Variants in SHANK2 observed in about 807,000 individuals in gnomAD.
The protein encoded by SHANK2 is SH3 and multiple ankyrin repeat domains 2.
A neutral mutation model predicts 133.7 loss-of-function variants in SHANK2; 43 were observed. The observed-to-expected ratio is 0.32, with a 90% CI of 0.25 to 0.41. The LOEUF is 0.41. Among genes scored for constraint, SHANK2 ranks in the 10% least tolerant of loss-of-function variants. SHANK2 has a pLI of 1.00. For synonymous variants in SHANK2, 1,017 were observed against 952.8 expected (o/e 1.07, Z -1.24); for missense variants, 1,994 against 2,235.8 (o/e 0.89, Z 2.18).
intron 14 of SHANK2, among the ~76,000 whole-genome samples, chr11:70,759,817 T>G (rs1946953515): frequency 6.6e-6 from 1 of 152,214 alleles, no homozygotes. Context: ...CTCCACCAGA[T>G]GCTGATAACA....
chr11:70,537,927 T>C (rs2059566452), intron 17 of SHANK2, among the ~76,000 whole-genome samples: 1 of 152,174 alleles, frequency 6.6e-6, no homozygotes, highest in Non-Finnish European at 1.5e-5. Context: ...AGGAACTCTC[T>C]GGCCAGTCAC....
At chr11:71,235,776 C>T (rs782356426) in intron 1 of SHANK2, among the ~76,000 whole-genome samples, 4 of 152,238 alleles carry the variant, frequency 2.6e-5, no homozygotes, top group East Asian at 1.9e-4. Context: ...GAAGAGCCTC[C>T]GATCTTCAGT....
chr11:70,693,260 C>T (rs1258456154), intron 15 of SHANK2, among the ~76,000 whole-genome samples: 2 of 152,198 alleles, frequency 1.3e-5, no homozygotes, highest in African/African-American at 4.8e-5. Context: ...GCCTAACGCC[C>T]TCCAATGCCT....
intron 8 of SHANK2, among the ~76,000 whole-genome samples, chr11:71,078,363 C>T (rs910620681): frequency 6.6e-5 from 10 of 151,858 alleles, no homozygotes; most frequent in Non-Finnish European, 1.5e-4. Flanking sequence ...TTTACAACAG[C>T]AAGCCAACTA....
At chr11:70,876,237 C>CATATAT (rs1555071253) in intron 11 of SHANK2, among the ~76,000 whole-genome samples, 1 of 147,418 alleles carries the variant, frequency 6.8e-6, no homozygotes, top group Non-Finnish European at 1.5e-5. Context: ...CACACACACA[C>CATATAT]ATATAGACAC....
At chr11:70,548,753 C>T (rs2059727587) in intron 17 of SHANK2, among the ~76,000 whole-genome samples, 1 of 152,180 alleles carries the variant, frequency 6.6e-6, no homozygotes, top group African/African-American at 2.4e-5. Context: ...TATTTGTAAA[C>T]AGGGTCTTTG....
chr11:70,772,439 CAAAA>C (rs36059683), intron 14 of SHANK2, among the ~76,000 whole-genome samples: 3 of 136,598 alleles, frequency 2.2e-5, no homozygotes, highest in East Asian at 2.1e-4. Flanking sequence ...GACTCTGTCT[CAAAA>C]AAAAAAAAAA....
At chr11:71,225,746 G>C (rs1954628802) in intron 1 of SHANK2, among the ~76,000 whole-genome samples, 1 of 152,140 alleles carries the variant, frequency 6.6e-6, no homozygotes, top group Admixed American at 6.6e-5. Context: ...GAACAATTAG[G>C]AACATGCTAG....
In SHANK2 at chr11:70,472,790, G is replaced by A. The variant is rs532114777; in HGVS notation, c.*79C>T. The A allele has an allele frequency of 1.7e-5, 23 of 1,382,870 alleles. No homozygotes were observed. The highest frequency in any genetic ancestry group is 3.5e-4 in the Middle Eastern group (2 of 5,648). The allele number at this position is 1,382,870 out of a possible 1,614,324, so 85.7% of individuals were successfully genotyped here. ...AGTGGGGTTGATGCTCACAGACTTC[G>A]CTTGGCATTCAGATGTTTCAGCACG... On this transcript the variant is annotated 3_prime_UTR_variant, in exon 26 of 26. Coordinates refer to ENST00000601538, the MANE Select transcript of SHANK2 (RefSeq NM_012309.5). This position sits in a 1 kb window ranked among gnomAD's most constrained non-coding sequence, Gnocchi z 4.4.
At chr11:70,921,549 C>A (rs1024550463) in intron 10 of SHANK2, among the ~76,000 whole-genome samples, 1 of 152,144 alleles carries the variant, frequency 6.6e-6, no homozygotes, top group Non-Finnish European at 1.5e-5. Flanking sequence ...CAATATTTGC[C>A]GAATTCTGAA....
chr11:70,707,620 C>T (rs538822872), intron 14 of SHANK2, among the ~76,000 whole-genome samples: 7 of 152,266 alleles, frequency 4.6e-5, no homozygotes, highest in African/African-American at 1.7e-4. Flanking sequence ...CATCTCCCTC[C>T]AAGCCTCAGT....
At chr11:70,675,155 A>G (rs933074019) in intron 15 of SHANK2, among the ~76,000 whole-genome samples, 4 of 152,244 alleles carry the variant, frequency 2.6e-5, no homozygotes, top group Non-Finnish European at 5.9e-5. Flanking sequence ...TGGAAAACAA[A>G]GAAACACCTC....
intron 2 of SHANK2, among the ~76,000 whole-genome samples, chr11:71,190,544 T>C (rs1336466771): frequency 1.3e-5 from 2 of 151,924 alleles, no homozygotes; most frequent in African/African-American, 4.8e-5. Flanking sequence ...AACCAACAGA[T>C]GGTTGATGGG....
At chr11:70,678,976 A>C (rs2134372672) in intron 15 of SHANK2, among the ~76,000 whole-genome samples, 1 of 151,524 alleles carries the variant, frequency 6.6e-6, no homozygotes, top group African/African-American at 2.4e-5. Context: ...CAACACACTC[A>C]CTCTCCTTAG....
At chr11:70,683,664 C>A (rs373914514) in intron 15 of SHANK2, among the ~76,000 whole-genome samples, 4 of 152,214 alleles carry the variant, frequency 2.6e-5, no homozygotes, top group South Asian at 2.1e-4. Context: ...GGGGAGGAAC[C>A]CTCCTTGCTT....
At chr11:70,736,812 G>A (rs1946414828) in intron 14 of SHANK2, among the ~76,000 whole-genome samples, 1 of 152,104 alleles carries the variant, frequency 6.6e-6, no homozygotes, top group Non-Finnish European at 1.5e-5. Context: ...CAGGGATGAA[G>A]CAAAGGACAG....
chr11:71,118,705 A>T, intron 4 of SHANK2, 124 bp downstream of exon 4: 1 of 862,416 alleles, frequency 1.2e-6, no homozygotes, highest in Non-Finnish European at 1.7e-6. Context: ...CTGATTTTTA[A>T]ATGTGGGGAT....
rs375590402 is a variant in SHANK2 at position 70,652,900 on chromosome 11, A to AT, written c.2061+6927dup. On this transcript the variant is annotated intron_variant, in intron 17 of 25. Coordinates refer to ENST00000601538, the MANE Select transcript of SHANK2 (RefSeq NM_012309.5). ...AGAGCCCAGTTCAGCACAACCACCC[A>AT]TTTTATCAACACGAATACTGGGACC... Among the ~76,000 whole-genome samples, 597 of 152,280 alleles carry AT rather than the reference A, an allele frequency of 3.9e-3. 3 individuals carry two copies. Among genetic ancestry groups the AT allele is most frequent in the African/African-American group, 0.013 (545 of 41,552 alleles).
At chr11:70,884,063 T>C (rs76954805) in intron 11 of SHANK2, among the ~76,000 whole-genome samples, 1,995 of 152,242 alleles carry the variant, frequency 0.013, 45 homozygotes, top group African/African-American at 0.044. Context: ...GGAGGAACTT[T>C]CTGGGAGAAT....
Sources: gnomAD v4.1 joint callset for allele counts (sites outside exome capture counted in the v4.1 genomes callset) on GRCh38, gnomAD v4.1.1 for gene constraint, Gnocchi (gnomAD v3.1) non-coding constraint, MANE v1.5 for transcripts, NCBI Gene and HGNC (gene_info 2026-07-23, HGNC 2026-07-21) for gene names.